DCTN4: variants seen among roughly 807,000 people sequenced by gnomAD.
DCTN4 encodes the protein dynactin 4 (p62).
A neutral mutation model predicts 62.7 loss-of-function variants in DCTN4; 23 were observed. The ratio of observed to expected loss-of-function variants is 0.37; its 90% CI spans 0.26 to 0.52. The LOEUF is 0.52. DCTN4 is among the 20% of genes least tolerant of loss of function. The pLI is 0.92. For synonymous variants in DCTN4, 199 were observed against 202.1 expected, an observed-to-expected ratio of 0.98 and a Z score of 0.13; for missense variants, 514 against 580.4, an observed-to-expected ratio of 0.89 and a Z score of 1.18.
At chr5:150,740,942 T>C (rs1760745760) in intron 4 of DCTN4, among the ~76,000 whole-genome samples, 1 of 152,118 alleles carries the variant, frequency 6.6e-6, no homozygotes, top group South Asian at 2.1e-4. Flanking sequence ...ACACATTAGG[T>C]ACAGTGTACA....
At chr5:150,711,445 T>C in intron 12 of DCTN4, 83 bp from the exon 13 acceptor site, 3 of 1,075,274 alleles carry the variant, frequency 2.8e-6, no homozygotes, top group Non-Finnish European at 4.1e-6. Flanking sequence ...GTCTTTCACC[T>C]TATTCTTTCC....
chr5:150,717,492 C>A (rs1457276205), intron 11 of DCTN4, among the ~76,000 whole-genome samples: 1 of 152,198 alleles, frequency 6.6e-6, no homozygotes, highest in African/African-American at 2.4e-5. Flanking sequence ...AGATGATCCA[C>A]TCACCTTGGC....
intron 5 of DCTN4, among the ~76,000 whole-genome samples, chr5:150,732,704 C>T (rs1760431342): frequency 6.6e-6 from 1 of 152,022 alleles, no homozygotes; most frequent in Non-Finnish European, 1.5e-5. Flanking sequence ...ATTTGCTGGG[C>T]CCCAAGCAAG....
At chr5:150,746,161 C>T (rs1233715280) in intron 3 of DCTN4, among the ~76,000 whole-genome samples, 18 of 151,920 alleles carry the variant, frequency 1.2e-4, no homozygotes, top group Non-Finnish European at 2.6e-4. Context: ...ATACTACAAA[C>T]ACCTCTATGC....
chr5:150,714,053 G>A (rs1759668269), intron 12 of DCTN4, among the ~76,000 whole-genome samples: 1 of 152,154 alleles, frequency 6.6e-6, no homozygotes, highest in Non-Finnish European at 1.5e-5. Context: ...GGAGGTGGAG[G>A]TTGCAGTGAG....
chr5:150,747,060 C>G (rs1446317242), intron 3 of DCTN4, among the ~76,000 whole-genome samples: 1 of 152,130 alleles, frequency 6.6e-6, no homozygotes, highest in African/African-American at 2.4e-5. Flanking sequence ...AGCCCAAAAT[C>G]TCCTTAAGCT....
At chr5:150,738,109 T>C (rs1760643522) in intron 4 of DCTN4, among the ~76,000 whole-genome samples, 1 of 151,906 alleles carries the variant, frequency 6.6e-6, no homozygotes, top group Admixed American at 6.6e-5. Context: ...AGCAGTGAGA[T>C]TGAAATGGTA....
At position 150,731,166 on chromosome 5, in the gene DCTN4, TAAAA is replaced by T; in HGVS notation, c.612-14_612-11del. On this transcript the variant is annotated splice_polypyrimidine_tract_variant and intron_variant, in intron 6 of 12. Transcript: ENST00000447998. ...CTCTCCTTCTTTAAGGCTGAAAAATTAAAAAAACAAAACAAAACAAAACAAAAGA... is the reference window on the plus strand; with the variant it reads ...CTCTCCTTCTTTAAGGCTGAAAAATTAAACAAAACAAAACAAAACAAAAGA... 9 of 1,568,650 alleles carry T rather than the reference TAAAA, an allele frequency of 5.7e-6. No homozygotes were observed. Among genetic ancestry groups the T allele is most frequent in the Non-Finnish European group, 7.9e-6 (9 of 1,141,300 alleles).
At chr5:150,755,633 C>G (rs2113158490) in intron 2 of DCTN4, 1 of 453,492 alleles carries the variant, frequency 2.2e-6, no homozygotes, top group Middle Eastern at 3.3e-4. Context: ...CTCACCAGTA[C>G]TCCTCAATAC....
intron 2 of DCTN4, among the ~76,000 whole-genome samples, chr5:150,756,037 G>C (rs1581608033): frequency 7.0e-6 from 1 of 143,014 alleles, no homozygotes; most frequent in African/African-American, 2.6e-5. Context: ...AATTTCATGT[G>C]TCTTTTTTTT....
intron 4 of DCTN4, among the ~76,000 whole-genome samples, chr5:150,738,840 T>A (rs1039903752): frequency 6.6e-6 from 1 of 152,192 alleles, no homozygotes; most frequent in African/African-American, 2.4e-5. Flanking sequence ...GCCAATGATA[T>A]GATCGTATGC....
At chr5:150,742,045 G>C in intron 4 of DCTN4, 69 bp downstream of exon 4, 1 of 1,355,712 alleles carries the variant, frequency 7.4e-7, no homozygotes, top group Non-Finnish European at 1.1e-6. Context: ...CCCATAAAAT[G>C]CAAGATCTTC....
chr5:150,730,777 T>C (rs1449277502), intron 7 of DCTN4, 37 bp from the exon 8 acceptor site: 1 of 1,574,608 alleles, frequency 6.4e-7, no homozygotes, highest in South Asian at 1.1e-5. Context: ...TAGTTTACAG[T>C]GACTTTCAAA....
At chr5:150,720,059 A>G (rs1385306123) in intron 9 of DCTN4, among the ~76,000 whole-genome samples, 1 of 152,200 alleles carries the variant, frequency 6.6e-6, no homozygotes, top group Non-Finnish European at 1.5e-5. Flanking sequence ...AAGGCAAGAT[A>G]TTTATCTCCT....
chr5:150,738,140 A>G (rs983105587), intron 4 of DCTN4, among the ~76,000 whole-genome samples: 1 of 151,930 alleles, frequency 6.6e-6, no homozygotes, highest in Non-Finnish European at 1.5e-5. Flanking sequence ...ACTGTCCACA[A>G]AAAAAAAGCC....
chr5:150,752,792 T>A (rs552458140), intron 3 of DCTN4, among the ~76,000 whole-genome samples: 1 of 152,352 alleles, frequency 6.6e-6, no homozygotes, highest in East Asian at 1.9e-4. Flanking sequence ...TAAGCGTTCC[T>A]CATTTCTGAG....
chr5:150,749,849 A>T (rs914394106), intron 3 of DCTN4, among the ~76,000 whole-genome samples: 1 of 152,204 alleles, frequency 6.6e-6, no homozygotes, highest in African/African-American at 2.4e-5. Context: ...CCAAATGTTC[A>T]AGTGGAGAAT....
At chr5:150,713,747 C>T (rs1018101636) in intron 12 of DCTN4, among the ~76,000 whole-genome samples, 4 of 151,896 alleles carry the variant, frequency 2.6e-5, no homozygotes, top group Non-Finnish European at 4.4e-5. Context: ...CCTGGCTTCA[C>T]TTTATTTTTC....
intron 8 of DCTN4, among the ~76,000 whole-genome samples, chr5:150,726,659 G>A (rs182865593): frequency 6.6e-6 from 1 of 152,248 alleles, no homozygotes; most frequent in East Asian, 1.9e-4. Context: ...ATATTAAAGA[G>A]ACCTGTACTG....
Sources: gnomAD v4.1 joint callset for allele counts (sites outside exome capture counted in the v4.1 genomes callset) on GRCh38, gnomAD v4.1.1 for gene constraint, MANE v1.5 for transcripts, NCBI Gene and HGNC (gene_info 2026-07-23, HGNC 2026-07-21) for gene names.